LCN8: variants seen among roughly 807,000 people sequenced by gnomAD.
LCN8 encodes epididymal-specific lipocalin-8.
LCN8 carries 16 observed loss-of-function variants against 22.8 expected under a neutral mutation model. The observed-to-expected ratio is 0.70, with a 90% CI of 0.47 to 1.06. The LOEUF (loss-of-function observed/expected upper bound fraction) is 1.06. Among genes scored for constraint, LCN8 ranks in the 50% least tolerant of loss-of-function variants. LCN8 has a pLI of 0.00. For synonymous variants in LCN8, 92 were observed against 83.4 expected (o/e 1.10, Z -0.56); for missense variants, 189 against 203.3 (o/e 0.93, Z 0.43).
chr9:136,755,660 A>T (rs535723180), intron 3 of LCN8, 144 bp from the exon 4 acceptor site: 1 of 1,307,500 alleles, frequency 7.6e-7, no homozygotes, highest in East Asian at 3.7e-5. Flanking sequence ...CTTTTGAAGG[A>T]TGATCCAGTG....
intron 1 of LCN8, 28 bp from the exon 2 acceptor site, chr9:136,757,196 G>C: frequency 6.2e-7 from 1 of 1,604,824 alleles, no homozygotes; most frequent in Non-Finnish European, 8.5e-7. Context: ...CTGGCCAAGA[G>C]CTGAGCAGTG....
intron 1 of LCN8, chr9:136,757,481 G>C (rs1047683703): frequency 1.4e-5 from 19 of 1,349,502 alleles, no homozygotes; most frequent in Non-Finnish European, 1.6e-5. Context: ...GCCTGACCTC[G>C]GAGGCAGGAC....
intron 5 of LCN8, 41 bp downstream of exon 5, chr9:136,755,203 A>G (rs1361488126): frequency 1.2e-6 from 2 of 1,608,372 alleles, no homozygotes; most frequent in Non-Finnish European, 1.7e-6. Context: ...GTCAGCCCAC[A>G]GGGCCCAGCC....
At chr9:136,758,494 G>T (rs1052013415), upstream of LCN8, 28 of 991,976 alleles carry the variant, frequency 2.8e-5, no homozygotes, top group Admixed American at 5.8e-5. Flanking sequence ...CACAGCGCCA[G>T]CGACCAGAGT....
At chr9:136,756,193 G>T (rs1226934030) in intron 3 of LCN8, 2 of 1,308,132 alleles carry the variant, frequency 1.5e-6, no homozygotes, top group East Asian at 8.9e-5. Context: ...ACAGCATGGG[G>T]AACAGCGCAG....
Position 136,754,607 on chromosome 9 carries a change from C to A in LCN8, c.448-98G>T, listed in dbSNP as rs1042283431. The A allele has an allele frequency of 1.5e-5, 22 of 1,493,702 alleles. No homozygotes were observed. In the South Asian group the frequency reaches 2.5e-4, roughly 17 times the overall value. 92.5% of individuals were successfully genotyped at this position (1,493,702 alleles called of 1,614,324 possible). A position where few individuals can be genotyped will look rare whatever the true frequency, so the allele number is the denominator to read the frequency against. ...CACGGCGGGACTTCTGTCCTCGCTG[C>A]CTGGTTTTGCGCAAAGCACCCAGCT... On this transcript the variant is annotated intron_variant, in intron 6 of 6. Coordinates refer to ENST00000371688, the MANE Select transcript of LCN8 (RefSeq NM_178469.4).
intron 3 of LCN8, 191 bp downstream of exon 3, chr9:136,756,331 G>T (rs1431181190): frequency 6.5e-7 from 1 of 1,540,258 alleles, no homozygotes; most frequent in East Asian, 2.5e-5. Context: ...AGGGAGCAGT[G>T]CAGGGAACAA....
chr9:136,757,471 G>A, intron 1 of LCN8: 1 of 1,354,440 alleles, frequency 7.4e-7, no homozygotes, highest in East Asian at 3.0e-5. Context: ...CACAGGCCCT[G>A]CCTGACCTCG....
In LCN8 at chr9:136,755,284, C is replaced by T; in HGVS notation, c.381G>A (p.Glu127=). 6.2e-7 allele frequency: 1 copy of T among 1,611,726 alleles called. No individual in the cohort carries two copies. Among genetic ancestry groups the T allele is most frequent in the Non-Finnish European group, 8.5e-7 (1 of 1,180,012 alleles). The part of the protein sequence containing the change: ...KDRLGFWKFR[E]LTADTGLYLA... ...GGTAGAGACCAGTGTCTGCTGTCAG[C>T]TCCCGAAACTTCCAGAACCCCAGCC... is the stretch of plus-strand genomic sequence containing the variant. Residue 127 remains glutamate (E), a synonymous_variant, in exon 5 of 7, where the codon GAG becomes GAA. Coordinates refer to ENST00000371688, the MANE Select transcript of LCN8 (RefSeq NM_178469.4).
intron 5 of LCN8, 39 bp downstream of exon 5, chr9:136,755,205 G>A (rs746436623): frequency 1.2e-6 from 2 of 1,608,718 alleles, no homozygotes; most frequent in Admixed American, 3.4e-5. Context: ...CAGCCCACAG[G>A]GCCCAGCCCA....
chr9:136,756,834 T>C (rs1461338354), intron 2 of LCN8, among the ~76,000 whole-genome samples: 2 of 152,224 alleles, frequency 1.3e-5, no homozygotes, highest in African/African-American at 2.4e-5. Flanking sequence ...CGGGGCTTCA[T>C]TAAAACACTA....
chr9:136,756,268 A>G, intron 3 of LCN8: 1 of 1,463,226 alleles, frequency 6.8e-7, no homozygotes, highest in Non-Finnish European at 9.1e-7. Flanking sequence ...CGCAGAGAAA[A>G]GTGCAGGGAA....
Position 136,757,133 on chromosome 9 carries a change from G to A in LCN8, c.60C>T (p.Ser20=), listed in dbSNP as rs538827844. The change falls in exon 2 of 7, where the codon TCC becomes TCT. Residue 20 remains serine, a synonymous_variant. Coordinates refer to ENST00000371688, the MANE Select transcript of LCN8 (RefSeq NM_178469.4). ...GGFWREVGVA[S]DQSLVLTAPK... ...GGGCCGTCAGCACCAGGCTTTGATC[G>A]GAGGCCACACCGACTTCCCTCCAGA... is the stretch of plus-strand genomic sequence containing the variant. The A allele has an allele frequency of 1.9e-5, 31 of 1,613,234 alleles. No individual in the cohort carries two copies. Among genetic ancestry groups the A allele is most frequent in the East Asian group, 8.9e-5 (4 of 44,830 alleles).
In LCN8 at chr9:136,754,468, C is replaced by T. The variant is rs373701760; in HGVS notation, c.*30G>A. On this transcript the variant is annotated 3_prime_UTR_variant, in exon 7 of 7. Transcript: ENST00000371688. ...GAGGGGCAGGGGTGGGCGGGCGCTCCGAACCTTGTGGTCTGAGGCAGGAAC... is the reference window on the plus strand; with the variant it reads ...GAGGGGCAGGGGTGGGCGGGCGCTCTGAACCTTGTGGTCTGAGGCAGGAAC... The T allele has an allele frequency of 1.2e-5, 19 of 1,556,872 alleles. No homozygotes were observed. The highest frequency in any genetic ancestry group is 4.7e-5 in the East Asian group (2 of 42,358).
At chr9:136,758,357 T>C, upstream of LCN8, 1 of 1,040,488 alleles carries the variant, frequency 9.6e-7, no homozygotes, top group East Asian at 7.9e-5. Context: ...TGGCCTGCGC[T>C]GCGAGGGCTG....
Position 136,756,568 on chromosome 9 carries a change from C to T in LCN8, c.180G>A (p.Lys60=). 1 of 1,613,930 alleles carries T rather than the reference C, an allele frequency of 6.2e-7. No homozygotes were observed. The highest frequency in any genetic ancestry group is 8.5e-7 in the Non-Finnish European group (1 of 1,179,948). Residue 60 remains lysine, a synonymous_variant, in exon 3 of 7, where the codon AAG becomes AAA. Coordinates refer to ENST00000371688, the MANE Select transcript of LCN8 (RefSeq NM_178469.4). ...TACTGTCTATTTCTGAGCCCACGAT[C>T]TTCTCTATCTCACAGCTTCCTGAGC... ...YNSSGSCEIE[K]IVGSEIDSTG...
intron 3 of LCN8, chr9:136,756,319 G>T: frequency 1.3e-6 from 2 of 1,528,630 alleles, no homozygotes; most frequent in Non-Finnish European, 1.8e-6. Context: ...GTGGAACAGT[G>T]CAGGGAGCAG....
rs1260817356 is a variant in LCN8, at chr9:136,756,608, G to A, written c.156-16C>T. Reference sequence around the variant, plus strand: ...GCTTCCTGAGCTGAAAGGCAGCAAAGTGCCCATCGGTAAAATGCTAGCCTG... The same window carrying A: ...GCTTCCTGAGCTGAAAGGCAGCAAAATGCCCATCGGTAAAATGCTAGCCTG... On this transcript the variant is annotated splice_polypyrimidine_tract_variant and intron_variant, in intron 2 of 6. Transcript: ENST00000371688. 3.1e-6 allele frequency: 5 copies of A among 1,612,188 alleles called. No homozygotes were observed. In the South Asian group the frequency reaches 4.4e-5, roughly 14 times the overall value.
chr9:136,755,313 C>T lies in LCN8; in HGVS notation c.352G>A (p.Asp118Asn). Reference protein sequence around the residue: ...KYFTRSLEDKDRLGFWKFREL... With the variant: ...KYFTRSLEDKNRLGFWKFREL... Reference sequence around the variant, plus strand: ...CGAAACTTCCAGAACCCCAGCCGGTCCTTGTCCTCAAGGCTCCGAGCTGTG... The same window carrying T: ...CGAAACTTCCAGAACCCCAGCCGGTTCTTGTCCTCAAGGCTCCGAGCTGTG... Residue 118 changes from aspartate to asparagine, a missense_variant, in exon 5 of 7, where the codon GAC becomes AAC. By Grantham distance (23) the Asp-to-Asn change is conservative. Transcript: ENST00000371688. 6.2e-7 allele frequency: 1 copy of T among 1,610,376 alleles called. No individual in the cohort carries two copies. Among genetic ancestry groups the T allele is most frequent in the Non-Finnish European group, 8.5e-7 (1 of 1,179,992 alleles).
Sources: gnomAD v4.1 joint callset for allele counts (sites outside exome capture counted in the v4.1 genomes callset) on GRCh38, gnomAD v4.1.1 for gene constraint, MANE v1.5 for transcripts, NCBI Gene and HGNC (gene_info 2026-07-23, HGNC 2026-07-21) for gene names.